The following RP1 variants were observed in gnomAD, a reference collection of about 807,000 sequenced individuals.
RP1 encodes RP1 axonemal microtubule associated.
In RP1, 16 loss-of-function variants were observed where a neutral mutation model predicts 14.8. That is an observed-to-expected ratio of 1.08 (90% confidence interval 0.73 to 1.65). The LOEUF (loss-of-function observed/expected upper bound fraction) is 1.65, where lower values mean the gene tolerates loss of function less well. RP1 is among the 40% of genes most tolerant of loss of function. RP1 has a pLI of 0.00. For missense variants in RP1, 2,631 were observed against 2,535.0 expected (o/e 1.04, Z -0.81); for synonymous variants, 876 against 883.6 (o/e 0.99, Z 0.15).
chr8:54,685,106 C>T (rs548007950), intron 12 of RP1, among the ~76,000 whole-genome samples: 9 of 152,206 alleles, frequency 5.9e-5, no homozygotes, highest in African/African-American at 1.9e-4. Context: ...TTTCAAAAAA[C>T]CAGCTCCTGG....
At chr8:54,671,715 C>T (rs1336006502) in intron 7 of RP1, among the ~76,000 whole-genome samples, 4 of 151,952 alleles carry the variant, frequency 2.6e-5, no homozygotes, top group Admixed American at 2.0e-4. Context: ...TGTATTCATG[C>T]CTGAATTTAC....
downstream of RP1, among the ~76,000 whole-genome samples, chr8:54,633,737 C>CTATATATATA (rs59614361): frequency 2.5e-3 from 291 of 118,772 alleles, 1 homozygote; most frequent in African/African-American, 8.3e-3. Context: ...CTCTCTCTCT[C>CTATATATATA]TATATATATA....
chr8:54,832,223 A>AT (rs1465926494), intron 24 of RP1, among the ~76,000 whole-genome samples: 6 of 151,336 alleles, frequency 4.0e-5, no homozygotes, highest in Non-Finnish European at 8.9e-5. Flanking sequence ...ATATTTAAGT[A>AT]TTTTTTCTTC....
At chr8:54,745,139 G>A (rs1809192289) in intron 19 of RP1, among the ~76,000 whole-genome samples, 1 of 152,132 alleles carries the variant, frequency 6.6e-6, no homozygotes, top group Non-Finnish European at 1.5e-5. Flanking sequence ...TGTCTTCAAA[G>A]AACACAATCT....
chr8:54,729,048 C>T (rs1208006323), intron 17 of RP1, among the ~76,000 whole-genome samples: 1 of 152,158 alleles, frequency 6.6e-6, no homozygotes, highest in African/African-American at 2.4e-5. Context: ...TGAGAATATA[C>T]ATTACTTCTG....
chr8:54,589,375 C>A (rs990736793), intron 1 of RP1, among the ~76,000 whole-genome samples: 1 of 151,584 alleles, frequency 6.6e-6, no homozygotes, highest in Admixed American at 6.6e-5. Context: ...TTTTCTTATT[C>A]TTAAAAGCCA....
At position 54,625,763 on chromosome 8, in the gene RP1, T is replaced by C; in HGVS notation, c.1881T>C (p.Ser627=). Reference sequence around the variant, plus strand: ...ACTCTGGAACTGACAAAAATATTTCTGAGGCTCCAGCTTCAGAAGCATCCT... The same window carrying C: ...ACTCTGGAACTGACAAAAATATTTCCGAGGCTCCAGCTTCAGAAGCATCCT... ...SNNSGTDKNI[S]EAPASEASST... Residue 627 remains serine (S), a synonymous_variant, in exon 4 of 4, where the codon TCT becomes TCC. Coordinates refer to ENST00000220676, the MANE Select transcript of RP1 (RefSeq NM_006269.2). 6.2e-7 allele frequency: 1 copy of C among 1,613,748 alleles called. No homozygotes were observed. The highest frequency in any genetic ancestry group is 2.2e-5 in the East Asian group (1 of 44,864).
chr8:54,656,406 A>C (rs1194985780), intron 6 of RP1, among the ~76,000 whole-genome samples: 150 of 152,174 alleles, frequency 9.9e-4, no homozygotes, highest in Non-Finnish European at 2.8e-4. Context: ...ATTCAGGAGT[A>C]TGTTCTTGTC....
intron 15 of RP1, among the ~76,000 whole-genome samples, chr8:54,707,005 A>T (rs1269340928): frequency 2.0e-5 from 3 of 152,220 alleles, no homozygotes; most frequent in African/African-American, 7.2e-5. Context: ...TGATGCTTTG[A>T]GAACCAAGGT....
intron 7 of RP1, among the ~76,000 whole-genome samples, chr8:54,664,028 T>A (rs1806956289): frequency 6.6e-6 from 1 of 152,204 alleles, no homozygotes; most frequent in Admixed American, 6.5e-5. Context: ...ATAGGTAATC[T>A]AATAATTAAC....
intron 21 of RP1, chr8:54,755,783 A>T: frequency 6.9e-7 from 1 of 1,449,154 alleles, no homozygotes; most frequent in Non-Finnish European, 9.1e-7. Flanking sequence ...GAGTCTATAC[A>T]AATAATTTCC....
At chr8:54,751,317 A>G (rs1363291150) in intron 19 of RP1, among the ~76,000 whole-genome samples, 1 of 152,218 alleles carries the variant, frequency 6.6e-6, no homozygotes, top group Non-Finnish European at 1.5e-5. Flanking sequence ...GGGCCTGAAG[A>G]TGAGAGGTCC....
chr8:54,578,623 A>G (rs544367972), intron 1 of RP1, among the ~76,000 whole-genome samples: 8 of 152,326 alleles, frequency 5.3e-5, no homozygotes, highest in African/African-American at 1.9e-4. Flanking sequence ...GAAGTGAAAT[A>G]TTTTAAAATT....
At position 54,630,511 on chromosome 8, in the gene RP1, A is replaced by G. The variant is rs904761519; in HGVS notation, c.*158A>G. On this transcript the variant is annotated 3_prime_UTR_variant, in exon 4 of 4. Coordinates refer to ENST00000220676, the MANE Select transcript of RP1 (RefSeq NM_006269.2). ...CCCTTGGATAACCAGTTTGACTTTC[A>G]TAATGTCTCTGTTTTTTGTTTTTCC... 2 of 1,440,602 alleles carry G rather than the reference A, an allele frequency of 1.4e-6. No homozygotes were observed. Among genetic ancestry groups the G allele is most frequent in the East Asian group, 2.5e-5 (1 of 39,338 alleles). 89.2% of individuals were successfully genotyped at this position (1,440,602 alleles called of 1,614,324 possible).
intron 24 of RP1, among the ~76,000 whole-genome samples, chr8:54,832,089 C>T (rs992033488): frequency 6.6e-6 from 1 of 151,582 alleles, no homozygotes; most frequent in African/African-American, 2.4e-5. Context: ...TTTTTCTTTC[C>T]TTTTCATCAG....
chr8:54,820,786 C>G (rs544593699), intron 24 of RP1, among the ~76,000 whole-genome samples: 1 of 152,230 alleles, frequency 6.6e-6, no homozygotes, highest in African/African-American at 2.4e-5. Context: ...TCTTGTGTGG[C>G]TGGTTGTTCA....
chr8:54,765,666 A>T (rs1295086657), intron 22 of RP1, among the ~76,000 whole-genome samples: 3 of 151,964 alleles, frequency 2.0e-5, no homozygotes, highest in Non-Finnish European at 4.4e-5. Context: ...CTTTTCCCTC[A>T]TTTGTTTTAG....
chr8:54,859,370 G>A (rs1812286623), intron 27 of RP1, among the ~76,000 whole-genome samples: 1 of 147,594 alleles, frequency 6.8e-6, no homozygotes, highest in Admixed American at 6.7e-5. Flanking sequence ...TGTCACTGTG[G>A]AGCATTGTCA....
At chr8:54,715,307 G>A (rs945263287) in intron 15 of RP1, among the ~76,000 whole-genome samples, 1 of 152,192 alleles carries the variant, frequency 6.6e-6, no homozygotes, top group African/African-American at 2.4e-5. Context: ...TTTGCAGTCA[G>A]AACTCATGTT....
Sources: gnomAD v4.1 joint callset for allele counts (sites outside exome capture counted in the v4.1 genomes callset) on GRCh38, gnomAD v4.1.1 for gene constraint, MANE v1.5 for transcripts, NCBI Gene and HGNC (gene_info 2026-07-23, HGNC 2026-07-21) for gene names.